EPHA6: variants seen among roughly 807,000 people sequenced by gnomAD.
EPHA6 encodes ephrin type-A receptor 6.
EPHA6 carries 50 observed loss-of-function variants against 112.0 expected under a neutral mutation model. That is an observed-to-expected ratio of 0.45 (90% CI 0.36 to 0.56). The LOEUF is 0.56. EPHA6 is among the 20% of genes least tolerant of loss of function. EPHA6 has a pLI of 0.00. For synonymous variants in EPHA6, 529 were observed against 490.7 expected, an observed-to-expected ratio of 1.08 and a Z score of -1.03; for missense variants, 1,280 against 1,417.4, an observed-to-expected ratio of 0.90 and a Z score of 1.56.
intron 10 of EPHA6, among the ~76,000 whole-genome samples, chr3:97,516,986 A>G (rs1452506429): frequency 6.6e-6 from 1 of 152,134 alleles, no homozygotes; most frequent in African/African-American, 2.4e-5. Flanking sequence ...ACAGAAAATA[A>G]AGACATTCAA....
At chr3:97,078,617 G>A (rs940460814) in intron 3 of EPHA6, among the ~76,000 whole-genome samples, 30 of 152,134 alleles carry the variant, frequency 2.0e-4, no homozygotes, top group Admixed American at 5.9e-4. Flanking sequence ...ACATATGGCT[G>A]GCCAGTTTTC....
intron 7 of EPHA6, 88 bp downstream of exon 7, chr3:97,448,818 T>G (rs2090435021): frequency 6.6e-6 from 8 of 1,211,050 alleles, no homozygotes; most frequent in Non-Finnish European, 9.6e-6. Context: ...TGTCCCAAGT[T>G]TTTAATAGCT....
At chr3:97,140,115 G>T (rs1185324947) in intron 3 of EPHA6, among the ~76,000 whole-genome samples, 1 of 151,522 alleles carries the variant, frequency 6.6e-6, no homozygotes, top group Non-Finnish European at 1.5e-5. Context: ...AGAACTGGAA[G>T]GCAAATCTTT....
At chr3:97,077,322 G>A (rs1402557335) in intron 3 of EPHA6, among the ~76,000 whole-genome samples, 2 of 38 alleles carry the variant, frequency 0.053, no homozygotes, top group South Asian at 0.17. Context: ...AGTAACTGCA[G>A]ATGTTTGTGG....
At chr3:97,627,358 G>A (rs1017416362) in intron 13 of EPHA6, among the ~76,000 whole-genome samples, 1 of 151,762 alleles carries the variant, frequency 6.6e-6, no homozygotes, top group Non-Finnish European at 1.5e-5. Flanking sequence ...AAAGGCAAGT[G>A]GAGTTGAGAG....
rs375442450 is a variant in EPHA6, at chr3:96,814,637, C to T, written c.14C>T (p.Ser5Leu). 4 of 1,470,544 alleles carry T rather than the reference C, an allele frequency of 2.7e-6. No individual in the cohort carries two copies. Among genetic ancestry groups the T allele is most frequent in the East Asian group, 4.7e-5 (2 of 42,326 alleles). The allele number at this position is 1,470,544 out of a possible 1,614,324, so 91.1% of individuals were successfully genotyped here. A position where few individuals can be genotyped will look rare whatever the true frequency, so the allele number is the denominator to read the frequency against. MQFP[S>L]PPAARSSPAP... is the part of the protein sequence containing the mutation. ...ACACTGTGGTGGATGCAATTCCCCT[C>T]GCCTCCAGCCGCGAGGAGCTCCCCG... The change falls in exon 1 of 18, where the codon TCG (serine) becomes TTG (leucine). Residue 5 changes from serine (S) to leucine (L), a missense_variant. By Grantham distance (145) the Ser-to-Leu change is moderately radical (BLOSUM62 -2). Around this residue, in one of 4 missense-constraint regions of EPHA6, gnomAD observed 220 missense variants for 171.5 expected, o/e 1.28. Transcript: ENST00000389672.
chr3:97,549,338 T>C (rs2092998790), intron 11 of EPHA6, among the ~76,000 whole-genome samples: 1 of 152,134 alleles, frequency 6.6e-6, no homozygotes, highest in Admixed American at 6.6e-5. Context: ...AGAGGCTACA[T>C]TAAGTGATTG....
At chr3:97,223,792 G>T (rs558800668) in intron 3 of EPHA6, among the ~76,000 whole-genome samples, 1 of 152,296 alleles carries the variant, frequency 6.6e-6, no homozygotes, top group South Asian at 2.1e-4. Context: ...GGAGAGGTAG[G>T]CAGGGCCAAA....
At position 97,276,220 on chromosome 3, in the gene EPHA6, G is replaced by T. The variant is rs143866830; in HGVS notation, c.1606+31933G>T. Among the ~76,000 whole-genome samples, 925 of 152,254 alleles carry T rather than the reference G, an allele frequency of 6.1e-3. 8 individuals carry two copies. The highest frequency in any genetic ancestry group is 0.02 in the African/African-American group (838 of 41,532). On this transcript the variant is annotated intron_variant, in intron 5 of 17. Transcript: ENST00000389672. ...ATCCATGATGGTCTAGGGGGCTTCC[G>T]AGGCGATCGGGCAGTGTCAGTCTTC...
At chr3:97,329,976 T>A (rs1179767949) in intron 5 of EPHA6, among the ~76,000 whole-genome samples, 1 of 152,166 alleles carries the variant, frequency 6.6e-6, no homozygotes, top group Non-Finnish European at 1.5e-5. Flanking sequence ...CTTTAATCCA[T>A]CCTGAATTAA....
At chr3:97,445,193 A>T (rs1004387000) in intron 6 of EPHA6, among the ~76,000 whole-genome samples, 5 of 152,094 alleles carry the variant, frequency 3.3e-5, no homozygotes, top group African/African-American at 1.2e-4. Context: ...TTTTTCTCAC[A>T]ATTGGTGCTA....
intron 11 of EPHA6, among the ~76,000 whole-genome samples, chr3:97,566,766 T>C (rs1209195923): frequency 1.3e-5 from 2 of 152,216 alleles, no homozygotes; most frequent in African/African-American, 4.8e-5. Context: ...TCTTCAATAA[T>C]GGCTTTACTA....
At chr3:97,153,097 A>T (rs1248723008) in intron 3 of EPHA6, among the ~76,000 whole-genome samples, 1 of 152,124 alleles carries the variant, frequency 6.6e-6, no homozygotes, top group Non-Finnish European at 1.5e-5. Flanking sequence ...AAAAAGAAAG[A>T]CTGAGTTTAA....
intron 2 of EPHA6, among the ~76,000 whole-genome samples, chr3:96,910,593 C>G (rs2039165522): frequency 6.6e-6 from 1 of 152,082 alleles, no homozygotes; most frequent in Non-Finnish European, 1.5e-5. Context: ...CCCAACTGTT[C>G]TGGCTTTTTT....
chr3:97,486,445 C>T (rs1447759655), intron 10 of EPHA6, among the ~76,000 whole-genome samples: 5 of 152,140 alleles, frequency 3.3e-5, no homozygotes, highest in Non-Finnish European at 7.3e-5. Flanking sequence ...TAGAATGCCT[C>T]ACATGGGGTA....
intron 2 of EPHA6, among the ~76,000 whole-genome samples, chr3:96,960,979 A>G (rs956510185): frequency 6.6e-6 from 1 of 152,234 alleles, no homozygotes; most frequent in African/African-American, 2.4e-5. Context: ...CATATTAGCC[A>G]GGCCTTGCAG....
chr3:97,640,481 T>C (rs923160911), intron 14 of EPHA6, among the ~76,000 whole-genome samples: 3 of 152,050 alleles, frequency 2.0e-5, no homozygotes, highest in Non-Finnish European at 4.4e-5. Flanking sequence ...AAGATATTAT[T>C]GGGGCCGGGC....
intron 3 of EPHA6, among the ~76,000 whole-genome samples, chr3:97,100,591 A>G (rs77602555): frequency 0.05 from 7,568 of 151,420 alleles, 648 homozygotes; most frequent in African/African-American, 0.17. Context: ...CAGAGATAAT[A>G]CACTGTTCAT....
chr3:97,400,734 A>G (rs1022467637), intron 5 of EPHA6, among the ~76,000 whole-genome samples: 7 of 151,454 alleles, frequency 4.6e-5, no homozygotes, highest in Non-Finnish European at 8.9e-5. Context: ...CATATTTATG[A>G]CTGTTGTATA....
Sources: allele counts gnomAD v4.1 joint callset (sites outside exome capture counted in the v4.1 genomes callset), GRCh38; gene constraint gnomAD v4.1.1; regional missense constraint gnomAD v4.1.1; transcripts MANE v1.5; gene names NCBI Gene and HGNC (gene_info 2026-07-23, HGNC 2026-07-21).